NPAS4: variants seen among roughly 807,000 people sequenced by gnomAD.
NPAS4 encodes neuronal PAS domain-containing protein 4.
In NPAS4, 10 loss-of-function variants were observed where a neutral mutation model predicts 64.0. The observed-to-expected ratio is 0.16, with a 90% CI of 0.10 to 0.26. The LOEUF is 0.26. Ranked by LOEUF, NPAS4 falls within the 10% of genes least tolerant of loss-of-function variation. The pLI, the probability that NPAS4 is intolerant of heterozygous loss-of-function variation, is 1.00. For missense variants in NPAS4, 886 were observed against 992.6 expected, an observed-to-expected ratio of 0.89 and a Z score of 1.44; for synonymous variants, 441 against 411.7, an observed-to-expected ratio of 1.07 and a Z score of -0.86.
the NPAS4 span, among the ~76,000 whole-genome samples, chr11:66,411,998 G>T: frequency 6.6e-6 from 1 of 152,206 alleles, no homozygotes; most frequent in African/African-American, 2.4e-5. Flanking sequence ...GTGTGGGTAG[G>T]TGCCTCATCT....
At chr11:66,415,077 C>A in the NPAS4 span, among the ~76,000 whole-genome samples, 1 of 152,132 alleles carries the variant, frequency 6.6e-6, no homozygotes, top group Non-Finnish European at 1.5e-5. Flanking sequence ...CGTTAATCAC[C>A]AGCCCTGAGA....
chr11:66,423,879 A>G lies in NPAS4; in HGVS notation c.989A>G (p.Asp330Gly), dbSNP rs781529996. The G allele has an allele frequency of 3.3e-5, 54 of 1,613,140 alleles. No individual in the cohort carries two copies. The highest frequency in any genetic ancestry group is 4.1e-5 in the Non-Finnish European group (48 of 1,179,622). The change falls in exon 7 of 8, where the codon GAC becomes GGC. Residue 330 changes from aspartate to glycine, a missense_variant. Asp to Gly is a moderately conservative substitution (Grantham distance 94). Around this residue, in one of 3 missense-constraint regions of NPAS4, gnomAD observed 820 missense variants for 855.5 expected, o/e 0.96. Coordinates refer to ENST00000311034, the MANE Select transcript of NPAS4 (RefSeq NM_178864.4). ...CTCCGCCAGCAGTTGAACTCTGAAG[A>G]CACCCAGGCAGCTTATGTCCTGGGC... ...WSLRQQLNSE[D>G]TQAAYVLGTP...
chr11:66,414,060 C>T, the NPAS4 span, among the ~76,000 whole-genome samples: 1 of 152,280 alleles, frequency 6.6e-6, no homozygotes, highest in South Asian at 2.1e-4. Flanking sequence ...GTTGTAGATG[C>T]TGGTAGGGGA....
the NPAS4 span, among the ~76,000 whole-genome samples, chr11:66,414,794 G>C: frequency 2.0e-5 from 3 of 152,162 alleles, no homozygotes; most frequent in African/African-American, 4.8e-5. Flanking sequence ...ATGGGGAGGT[G>C]CTTAGGAATC....
Position 66,423,857 on chromosome 11 carries a change from C to T in NPAS4, c.967C>T (p.Arg323Cys), listed in dbSNP as rs778455798. The change falls in exon 7 of 8, where the codon CGC becomes TGC. Residue 323 changes from arginine (R) to cysteine (C), a missense_variant. Coordinates refer to ENST00000311034, the MANE Select transcript of NPAS4 (RefSeq NM_178864.4). ...PISDMEAWSLRQQLNSEDTQA... is the reference protein window; with the variant it reads ...PISDMEAWSLCQQLNSEDTQA... The stretch of plus-strand genomic sequence containing the variant: ...CAGTGACATGGAAGCCTGGAGCCTC[C>T]GCCAGCAGTTGAACTCTGAAGACAC... 125 of 1,610,420 alleles carry T rather than the reference C, an allele frequency of 7.8e-5. No individual in the cohort carries two copies. The Admixed American group carries it at 1.4e-3, about 18-fold the overall frequency.
In NPAS4 at chr11:66,423,657, C is replaced by T. The variant is rs757681752; in HGVS notation, c.888C>T (p.Cys296=). Residue 296 remains cysteine, a synonymous_variant, in exon 6 of 8, where the codon TGC becomes TGT. Transcript: ENST00000311034. ...CTGGAGGCTGGGCATGGATTTACTGCCTGTTATACTCAGAAGGTCCAGAGG... is the reference window on the plus strand; with the variant it reads ...CTGGAGGCTGGGCATGGATTTACTGTCTGTTATACTCAGAAGGTCCAGAGG... ...AKTGGWAWIY[C]LLYSEGPEGP... is the part of the protein sequence containing the mutation. 20 of 1,614,032 alleles carry T rather than the reference C, an allele frequency of 1.2e-5. No individual in the cohort carries two copies. The highest frequency in any genetic ancestry group is 1.0e-4 in the Admixed American group (6 of 60,004).
chr11:66,409,618 C>T, the NPAS4 span, among the ~76,000 whole-genome samples: 1 of 152,250 alleles, frequency 6.6e-6, no homozygotes, highest in African/African-American at 2.4e-5. Flanking sequence ...CCAACCCCCT[C>T]CTTAAACTGG....
At chr11:66,417,900 CAGAT>C (rs1565238469), upstream of NPAS4, among the ~76,000 whole-genome samples, 1 of 152,016 alleles carries the variant, frequency 6.6e-6, no homozygotes, top group African/African-American at 2.4e-5. Context: ...CACATGCAAA[CAGAT>C]AGAGATGTAG....
chr11:66,418,297 G>T (rs1229740217), upstream of NPAS4, among the ~76,000 whole-genome samples: 1 of 152,138 alleles, frequency 6.6e-6, no homozygotes, highest in Non-Finnish European at 1.5e-5. Context: ...GCCAGGCCAG[G>T]ATGACTCACA....
At chr11:66,413,753 G>C in the NPAS4 span, among the ~76,000 whole-genome samples, 1 of 152,180 alleles carries the variant, frequency 6.6e-6, no homozygotes, top group Admixed American at 6.5e-5. Flanking sequence ...AAATGCACCT[G>C]CTTGGGGAGG....
the NPAS4 span, chr11:66,409,931 G>A: frequency 1.3e-5 from 2 of 152,292 alleles, no homozygotes; most frequent in African/African-American, 4.8e-5. Context: ...AACCAACTAG[G>A]TTGCTGCTGC....
Position 66,423,580 on chromosome 11 carries a change from G to T in NPAS4, c.811G>T (p.Ala271Ser), listed in dbSNP as rs1248684444. ...HASAQHYRLL[A>S]ESGDIQAEMV... ...CTCTGCATCTTCTTTCTCCCCAGTG[G>T]CTGAGAGTGGAGATATTCAGGCAGA... Residue 271 changes from alanine to serine, a missense_variant and splice_region_variant, in exon 6 of 8, where the codon GCT (alanine) becomes TCT (serine). Physicochemically the swap from Ala to Ser is moderately conservative, Grantham distance 99. This residue lies in a region of NPAS4 where 820 missense variants were observed against 855.5 expected (regional missense o/e 0.96). Coordinates refer to ENST00000311034, the MANE Select transcript of NPAS4 (RefSeq NM_178864.4). 2 of 1,614,048 alleles carry T rather than the reference G, an allele frequency of 1.2e-6. No homozygotes were observed. The highest frequency in any genetic ancestry group is 1.7e-5 in the Admixed American group (1 of 60,024).
At position 66,426,689 on chromosome 11, in the gene NPAS4, CCA is replaced by C. The variant is rs1856842451; in HGVS notation, c.*701_*702del. 6.5e-6 allele frequency: 1 copy of C among 152,696 alleles called. No individual in the cohort carries two copies. The highest frequency in any genetic ancestry group is 1.9e-4 in the East Asian group (1 of 5,194). The allele number at this position is 152,696 out of a possible 1,614,324, so 9.5% of individuals were successfully genotyped here. A position where few individuals can be genotyped will look rare whatever the true frequency, so the allele number is the denominator to read the frequency against. On this transcript the variant is annotated 3_prime_UTR_variant, in exon 8 of 8. Coordinates refer to ENST00000311034, the MANE Select transcript of NPAS4 (RefSeq NM_178864.4). ...TTTGTAGCCAACTTTATAATAAAGT[CCA>C]GTTTGCCTTTTTGGTACCTCTGGTG...
Position 66,422,776 on chromosome 11 carries a change from C to A in NPAS4, c.533C>A (p.Pro178His), listed in dbSNP as rs1856767248. 3 of 1,614,110 alleles carry A rather than the reference C, an allele frequency of 1.9e-6. No individual in the cohort carries two copies. The highest frequency in any genetic ancestry group is 2.5e-6 in the Non-Finnish European group (3 of 1,180,060). Reference protein sequence around the residue: ...LIRGRFHAHPPGAYWAGNPVF... With the variant: ...LIRGRFHAHPHGAYWAGNPVF... ...CGAGGCCGATTCCATGCTCACCCAC[C>A]TGGAGCCTACTGGGCAGGAAATCCC... Residue 178 changes from proline to histidine, a missense_variant, in exon 4 of 8, where the codon CCT becomes CAT. By Grantham distance (77) the Pro-to-His change is moderately conservative (BLOSUM62 -2). Around this residue, in one of 3 missense-constraint regions of NPAS4, gnomAD observed 820 missense variants for 855.5 expected, o/e 0.96. Coordinates refer to ENST00000311034, the MANE Select transcript of NPAS4 (RefSeq NM_178864.4).
chr11:66,412,864 G>C, the NPAS4 span, among the ~76,000 whole-genome samples: 1 of 152,172 alleles, frequency 6.6e-6, no homozygotes, highest in African/African-American at 2.4e-5. Context: ...GCCTTTCCAC[G>C]TGGACCGTGT....
the NPAS4 span, among the ~76,000 whole-genome samples, chr11:66,414,528 G>A: frequency 3.3e-5 from 5 of 152,164 alleles, no homozygotes; most frequent in African/African-American, 1.2e-4. Flanking sequence ...CCCAGCTCTG[G>A]CCGTCTCAAT....
At chr11:66,419,308 A>G (rs1399511812), upstream of NPAS4, among the ~76,000 whole-genome samples, 2 of 152,124 alleles carry the variant, frequency 1.3e-5, no homozygotes, top group Non-Finnish European at 2.9e-5. Context: ...ACACCAGAAT[A>G]GGGTCTCCAC....
chr11:66,417,585 T>C (rs144718482), upstream of NPAS4, among the ~76,000 whole-genome samples: 3 of 152,128 alleles, frequency 2.0e-5, no homozygotes, highest in East Asian at 5.8e-4. Flanking sequence ...GTGAGCAAGA[T>C]ATAGATGGTG....
In NPAS4 at chr11:66,423,105, C is replaced by A; in HGVS notation, c.699-18C>A. On this transcript the variant is annotated intron_variant, in intron 4 of 7. Transcript: ENST00000311034. ...CAAGGAAAACAGAAAGCTGACCTCA[C>A]CCTTTCCACCTTCCCAGTGTCCTAA... 6.4e-7 allele frequency: 1 copy of A among 1,571,104 alleles called. No individual in the cohort carries two copies. The highest frequency in any genetic ancestry group is 8.7e-7 in the Non-Finnish European group (1 of 1,147,000).
Sources: allele counts gnomAD v4.1 joint callset (sites outside exome capture counted in the v4.1 genomes callset), GRCh38; gene constraint gnomAD v4.1.1; regional missense constraint gnomAD v4.1.1; transcripts MANE v1.5; gene names NCBI Gene and HGNC (gene_info 2026-07-23, HGNC 2026-07-21).